ITGBL1: variants seen among roughly 807,000 people sequenced by gnomAD.
ITGBL1 encodes integrin beta-like protein 1.
Under a neutral mutation model 68.5 loss-of-function variants are expected in ITGBL1, and 51 were observed. The observed-to-expected ratio is 0.74, with a 90% CI of 0.59 to 0.94. The LOEUF is 0.94. Ranked by LOEUF, ITGBL1 falls within the 40% of genes least tolerant of loss-of-function variation. ITGBL1 has a pLI of 0.00. For missense variants in ITGBL1, 649 were observed against 647.4 expected (o/e 1.00, Z -0.03); for synonymous variants, 209 against 227.3 (o/e 0.92, Z 0.72).
At chr13:101,594,884 A>G (rs57882516) in intron 6 of ITGBL1, among the ~76,000 whole-genome samples, 16,962 of 152,072 alleles carry the variant, frequency 0.11, 1,330 homozygotes, top group African/African-American at 0.23. Context: ...GACAAGTTTG[A>G]CCAACATGGT....
chr13:101,464,649 T>A (rs1400389556), intron 2 of ITGBL1, among the ~76,000 whole-genome samples: 1 of 152,136 alleles, frequency 6.6e-6, no homozygotes, highest in Non-Finnish European at 1.5e-5. Flanking sequence ...ATATTTTGAT[T>A]GCCTGTACAA....
intron 2 of ITGBL1, among the ~76,000 whole-genome samples, chr13:101,534,908 A>C (rs980891605): frequency 1.3e-5 from 2 of 152,112 alleles, no homozygotes; most frequent in African/African-American, 2.4e-5. Context: ...GTAAAATAAA[A>C]CAGTGTAACA....
intron 2 of ITGBL1, among the ~76,000 whole-genome samples, chr13:101,490,977 G>A (rs2048767428): frequency 6.6e-6 from 1 of 152,176 alleles, no homozygotes; most frequent in African/African-American, 2.4e-5. Flanking sequence ...TTAATAAGTG[G>A]TGTGACACAC....
Position 101,565,478 on chromosome 13 carries a change from A to C in ITGBL1, c.317-2221A>C, listed in dbSNP as rs552438898. 6.6e-5 allele frequency among the ~76,000 whole-genome samples: 10 copies of C among 152,268 alleles called. No individual in the cohort carries two copies. In the South Asian group the frequency reaches 2.1e-3, roughly 31 times the overall value. On this transcript the variant is annotated intron_variant, in intron 2 of 10. Transcript: ENST00000376180. ...GGCATAAAGCTTAGAAAGAATGTAA[A>C]GGCAGATGGCCCTGTCTGACATTAG... is the stretch of plus-strand genomic sequence containing the variant.
At chr13:101,492,717 C>T (rs2048798084) in intron 2 of ITGBL1, among the ~76,000 whole-genome samples, 1 of 152,194 alleles carries the variant, frequency 6.6e-6, no homozygotes, top group Non-Finnish European at 1.5e-5. Context: ...TTCCATTATG[C>T]AATTCACCAG....
intron 7 of ITGBL1, among the ~76,000 whole-genome samples, chr13:101,603,423 T>C (rs1204169758): frequency 6.6e-6 from 1 of 151,960 alleles, no homozygotes; most frequent in Non-Finnish European, 1.5e-5. Context: ...TATTTTTGAC[T>C]AGCCCTGTAT....
At chr13:101,523,081 A>T (rs1196359113) in intron 2 of ITGBL1, among the ~76,000 whole-genome samples, 1 of 152,220 alleles carries the variant, frequency 6.6e-6, no homozygotes, top group East Asian at 1.9e-4. Flanking sequence ...CTTTATGAAA[A>T]TTCAATCTTT....
intron 7 of ITGBL1, among the ~76,000 whole-genome samples, chr13:101,629,391 T>C (rs2139404981): frequency 6.6e-6 from 1 of 152,292 alleles, no homozygotes; most frequent in African/African-American, 2.4e-5. Context: ...TTCTTTCAAT[T>C]ATTTTATAAA....
intron 2 of ITGBL1, among the ~76,000 whole-genome samples, chr13:101,531,223 A>C (rs1352204079): frequency 2.6e-5 from 4 of 152,194 alleles, no homozygotes; most frequent in African/African-American, 9.7e-5. Context: ...AATGTAAGTG[A>C]CTAAAAGTTA....
intron 8 of ITGBL1, among the ~76,000 whole-genome samples, chr13:101,701,982 A>G (rs1437047574): frequency 2.0e-5 from 3 of 152,198 alleles, no homozygotes; most frequent in African/African-American, 7.2e-5. Context: ...AATGGTTAAG[A>G]TGGTAAATTT....
At chr13:101,646,523 G>A (rs1392440619) in intron 7 of ITGBL1, among the ~76,000 whole-genome samples, 1 of 151,970 alleles carries the variant, frequency 6.6e-6, no homozygotes, top group African/African-American at 2.4e-5. Context: ...TGACATTCAG[G>A]GTTGATAAGA....
chr13:101,625,474 G>A (rs1158188786), intron 7 of ITGBL1, among the ~76,000 whole-genome samples: 1 of 152,118 alleles, frequency 6.6e-6, no homozygotes, highest in Non-Finnish European at 1.5e-5. Flanking sequence ...TGCAGTGGTA[G>A]CTCGATAGTT....
At chr13:101,655,588 T>C (rs1307613643) in intron 7 of ITGBL1, among the ~76,000 whole-genome samples, 1 of 152,194 alleles carries the variant, frequency 6.6e-6, no homozygotes, top group Admixed American at 6.5e-5. Flanking sequence ...TTTCTGTGTG[T>C]AAACCCAATT....
intron 2 of ITGBL1, among the ~76,000 whole-genome samples, chr13:101,518,689 G>T (rs1309170218): frequency 6.6e-6 from 1 of 152,150 alleles, no homozygotes; most frequent in Non-Finnish European, 1.5e-5. Flanking sequence ...TTGAGAAAAT[G>T]TAATTCTGCC....
chr13:101,678,648 C>T (rs759739397), intron 7 of ITGBL1, among the ~76,000 whole-genome samples: 2 of 151,712 alleles, frequency 1.3e-5, no homozygotes, highest in East Asian at 2.0e-4. Context: ...TACAGGTGCT[C>T]ACCACCACAC....
intron 2 of ITGBL1, among the ~76,000 whole-genome samples, chr13:101,520,208 C>T (rs1175726289): frequency 1.3e-5 from 2 of 152,076 alleles, no homozygotes; most frequent in Admixed American, 1.3e-4. Context: ...CTCTAAGATT[C>T]AATGAAAAAC....
chr13:101,463,096 A>AC (rs1205414667), intron 2 of ITGBL1, among the ~76,000 whole-genome samples: 32 of 152,308 alleles, frequency 2.1e-4, no homozygotes, highest in African/African-American at 7.7e-4. Context: ...GACAGTGCCA[A>AC]ACACATATGA....
In ITGBL1 at chr13:101,544,939, G is replaced by A. The variant is rs1015074726; in HGVS notation, c.317-22760G>A. On this transcript the variant is annotated intron_variant, in intron 2 of 10. Coordinates refer to ENST00000376180, the MANE Select transcript of ITGBL1 (RefSeq NM_004791.3). The stretch of plus-strand genomic sequence containing the variant: ...TAGGAAAAGTGACCCGATTTTCCAG[G>A]TGCTGTCTTTTATCCCTTTCTTTGA... Among the ~76,000 whole-genome samples, 7 of 152,302 alleles carry A rather than the reference G, an allele frequency of 4.6e-5. No homozygotes were observed. In the East Asian group the frequency reaches 1.4e-3, roughly 29 times the overall value.
chr13:101,488,039 C>G (rs1479497632), intron 2 of ITGBL1, among the ~76,000 whole-genome samples: 2 of 152,078 alleles, frequency 1.3e-5, no homozygotes, highest in Non-Finnish European at 2.9e-5. Context: ...AAATGGGCCT[C>G]CCTCATGATG....
Sources: gnomAD v4.1 joint callset for allele counts (sites outside exome capture counted in the v4.1 genomes callset) on GRCh38, gnomAD v4.1.1 for gene constraint, MANE v1.5 for transcripts, NCBI Gene and HGNC (gene_info 2026-07-23, HGNC 2026-07-21) for gene names.